Variants in PLCB1 observed in about 807,000 individuals in gnomAD.
PLCB1 encodes phospholipase C beta 1, also known as 1-phosphatidylinositol 4,5-bisphosphate phosphodiesterase beta-1.
Under a neutral mutation model 161.8 loss-of-function variants are expected in PLCB1, and 46 were observed. The observed-to-expected ratio is 0.28, with a 90% CI of 0.22 to 0.36. The LOEUF is 0.36. Ranked by LOEUF, PLCB1 falls within the 10% of genes least tolerant of loss-of-function variation. The pLI, the probability that PLCB1 is intolerant of heterozygous loss-of-function variation, is 1.00. For missense variants in PLCB1, 1,016 were observed against 1,472.5 expected, an observed-to-expected ratio of 0.69 and a Z score of 5.07; for synonymous variants, 517 against 503.7, an observed-to-expected ratio of 1.03 and a Z score of -0.35.
In PLCB1 at chr20:8,668,406, T is replaced by G. The variant is rs6118289; in HGVS notation, c.862+9702T>G. On this transcript the variant is annotated intron_variant, in intron 9 of 31. Coordinates refer to ENST00000338037, the MANE Select transcript of PLCB1 (RefSeq NM_015192.4). The stretch of plus-strand genomic sequence containing the variant: ...AGCATTATTTTAACAGGAGAGTTAA[T>G]TGAGAATGATGGACAAAATCAAGCT... 7.6e-3 allele frequency among the ~76,000 whole-genome samples: 1,154 copies of G among 152,240 alleles called. 12 individuals carry two copies. Among genetic ancestry groups the G allele is most frequent in the African/African-American group, 0.026 (1,100 of 41,530 alleles).
intron 2 of PLCB1, among the ~76,000 whole-genome samples, chr20:8,160,261 T>A (rs946272590): frequency 3.3e-5 from 5 of 152,180 alleles, no homozygotes; most frequent in African/African-American, 4.8e-5. Context: ...TCCAAACTTT[T>A]CCACATTTTC....
At chr20:8,203,777 A>C (rs6055641) in intron 2 of PLCB1, among the ~76,000 whole-genome samples, 2,768 of 152,310 alleles carry the variant, frequency 0.018, 105 homozygotes, top group African/African-American at 0.063. Flanking sequence ...AAGAGGCAAC[A>C]AAATAATAGA....
intron 31 of PLCB1, among the ~76,000 whole-genome samples, chr20:8,797,895 T>C (rs1168078812): frequency 6.6e-6 from 1 of 152,196 alleles, no homozygotes; most frequent in Non-Finnish European, 1.5e-5. Flanking sequence ...CTCTGGGTCT[T>C]TAAAGATAGT....
At chr20:8,817,369 G>A (rs1985131043) in intron 31 of PLCB1, among the ~76,000 whole-genome samples, 1 of 152,082 alleles carries the variant, frequency 6.6e-6, no homozygotes, top group African/African-American at 2.4e-5. Context: ...GAAACTTGGT[G>A]TAGAATAGAG....
At chr20:8,848,604 C>T (rs2146298879) in intron 31 of PLCB1, among the ~76,000 whole-genome samples, 1 of 152,316 alleles carries the variant, frequency 6.6e-6, no homozygotes, top group Non-Finnish European at 1.5e-5. Flanking sequence ...TCTGGGTACC[C>T]CAGCATTAGG....
rs780264668 is a variant in PLCB1, at chr20:8,881,637, G to T, written c.3439G>T (p.Glu1147Ter). 6.2e-7 allele frequency: 1 copy of T among 1,613,804 alleles called. No individual in the cohort carries two copies. The highest frequency in any genetic ancestry group is 1.7e-5 in the Admixed American group (1 of 60,002). ...TGTCTCTCAGCTGCAGGTGGAGCTGGAGCAAGAATACCAAGACAAATTCAA... is the reference window on the plus strand; with the variant it reads ...TGTCTCTCAGCTGCAGGTGGAGCTGTAGCAAGAATACCAAGACAAATTCAA... ...DEKPKLQVEL[E>*]QEYQDKFKRL... The change falls in exon 32 of 32, where the codon GAG becomes TAG. Residue 1147 changes from glutamate (E) to a stop codon, truncating the protein, a stop_gained. Transcript: ENST00000338037. LOFTEE classifies it high-confidence loss of function.
intron 31 of PLCB1, among the ~76,000 whole-genome samples, chr20:8,858,016 G>A (rs1233680635): frequency 6.6e-6 from 1 of 152,026 alleles, no homozygotes; most frequent in African/African-American, 2.4e-5. Context: ...TATTTGCCCA[G>A]TTTATCACTT....
chr20:8,139,589 AT>A (rs1217989040), intron 1 of PLCB1, among the ~76,000 whole-genome samples: 9 of 152,050 alleles, frequency 5.9e-5, no homozygotes, highest in South Asian at 4.2e-4. Context: ...TAAAAAAAAC[AT>A]TTTTTTTGGA....
intron 11 of PLCB1, among the ~76,000 whole-genome samples, chr20:8,704,362 AAAAAG>A (rs966798391): frequency 3.3e-5 from 5 of 152,168 alleles, no homozygotes; most frequent in African/African-American, 1.2e-4. Context: ...TCAAAAAAAA[AAAAAG>A]AAAAGAAAAG....
chr20:8,541,600 G>GAAAGAAAGAAAGAAAGAAAGAAAGAAAT (rs1292981718), intron 3 of PLCB1, among the ~76,000 whole-genome samples: 39 of 150,764 alleles, frequency 2.6e-4, no homozygotes, highest in African/African-American at 6.1e-4. Flanking sequence ...AAGAAAGAAA[G>GAAAGAAAGAAAGAAAGAAAGAAAGAAAT]AAAGAAAGGA....
In PLCB1 at chr20:8,771,034, A is replaced by G. The variant is rs140815957; in HGVS notation, c.2931-3505A>G. Among the ~76,000 whole-genome samples, 341 of 152,310 alleles carry G rather than the reference A, an allele frequency of 2.2e-3. 4 individuals carry two copies. In the Middle Eastern group the frequency reaches 0.031, roughly 14 times the overall value. On this transcript the variant is annotated intron_variant, in intron 26 of 31. Transcript: ENST00000338037. Reference sequence around the variant, plus strand: ...ATGAAAATAGAAAGAGAAACAACACACATGCGTAGACTAAGCTTTGGACAA... The same window carrying G: ...ATGAAAATAGAAAGAGAAACAACACGCATGCGTAGACTAAGCTTTGGACAA...
At chr20:8,258,251 T>G (rs1274669287) in intron 2 of PLCB1, among the ~76,000 whole-genome samples, 3 of 152,186 alleles carry the variant, frequency 2.0e-5, no homozygotes, top group Non-Finnish European at 2.9e-5. Context: ...TCCCTAAAAA[T>G]GTACCAACCA....
At chr20:8,269,615 T>G (rs894104266) in intron 2 of PLCB1, among the ~76,000 whole-genome samples, 1 of 152,152 alleles carries the variant, frequency 6.6e-6, no homozygotes, top group African/African-American at 2.4e-5. Flanking sequence ...TTTCCTATTT[T>G]TTTTGAAAAC....
chr20:8,283,764 GA>G (rs1205283199), intron 2 of PLCB1, among the ~76,000 whole-genome samples: 2 of 151,822 alleles, frequency 1.3e-5, no homozygotes, highest in South Asian at 2.1e-4. Context: ...ATTTTAAGAT[GA>G]TTACTCATTT....
intron 2 of PLCB1, among the ~76,000 whole-genome samples, chr20:8,160,953 C>A (rs747467421): frequency 3.3e-5 from 5 of 151,928 alleles, no homozygotes; most frequent in Non-Finnish European, 7.4e-5. Flanking sequence ...CTTATTAGGA[C>A]GTTGGTACCT....
chr20:8,205,704 A>C (rs1978490085), intron 2 of PLCB1, among the ~76,000 whole-genome samples: 1 of 152,150 alleles, frequency 6.6e-6, no homozygotes, highest in African/African-American at 2.4e-5. Context: ...AGTTATTTGC[A>C]AAAGAGGGAA....
intron 2 of PLCB1, among the ~76,000 whole-genome samples, chr20:8,300,574 G>A (rs1445600801): frequency 6.6e-6 from 1 of 151,944 alleles, no homozygotes; most frequent in Non-Finnish European, 1.5e-5. Flanking sequence ...AAGTTTTAGG[G>A]TACATGTGCA....
At chr20:8,867,910 G>A (rs753392450) in intron 31 of PLCB1, among the ~76,000 whole-genome samples, 3 of 151,996 alleles carry the variant, frequency 2.0e-5, no homozygotes, top group African/African-American at 4.8e-5. Flanking sequence ...TACATGTAAG[G>A]TCCTAGGAAC....
In PLCB1 at chr20:8,269,730, A is replaced by G. The variant is rs144769029; in HGVS notation, c.178-101652A>G. ...GATTTTTGGCTTTCGTTACAACAGCACAGTAAGATACAAAAATGTTCACTT... is the reference window on the plus strand; with the variant it reads ...GATTTTTGGCTTTCGTTACAACAGCGCAGTAAGATACAAAAATGTTCACTT... On this transcript the variant is annotated intron_variant, in intron 2 of 31. Transcript: ENST00000338037. Among the ~76,000 whole-genome samples the G allele has an allele frequency of 5.7e-3, 873 of 152,278 alleles. 16 individuals are homozygous for G. The highest frequency in any genetic ancestry group is 0.02 in the African/African-American group (832 of 41,564).
Sources: allele counts gnomAD v4.1 joint callset (sites outside exome capture counted in the v4.1 genomes callset), GRCh38; gene constraint gnomAD v4.1.1; transcripts MANE v1.5; gene names NCBI Gene and HGNC (gene_info 2026-07-23, HGNC 2026-07-21).